The following SMARCA4 variants were observed in gnomAD, a reference collection of about 807,000 sequenced individuals.
SMARCA4 encodes SWI/SNF-related matrix-associated actin-dependent regulator of chromatin subfamily A member 4.
SMARCA4 carries 31 observed loss-of-function variants against 193.9 expected under a neutral mutation model. That is an observed-to-expected ratio of 0.16 (90% CI 0.12 to 0.22). SMARCA4 has a LOEUF of 0.22. SMARCA4 is among the 10% of genes least tolerant of loss of function. The probability of loss-of-function intolerance (pLI) is 1.00; values close to 1 mark genes in which losing one functional copy is unlikely to be tolerated. For missense variants in SMARCA4, 1,148 were observed against 2,296.0 expected, an observed-to-expected ratio of 0.50 and a Z score of 10.22; for synonymous variants, 942 against 933.1, an observed-to-expected ratio of 1.01 and a Z score of -0.17.
In SMARCA4 at chr19:11,034,026, C is replaced by T. The variant is rs45463397; in HGVS notation, c.3874-97C>T. 8.5e-3 allele frequency: 7,839 copies of T among 921,502 alleles called. 62 individuals carry two copies. The highest frequency in any genetic ancestry group is 0.01 in the Non-Finnish European group (5,598 of 553,122). 57.1% of individuals were successfully genotyped at this position (921,502 alleles called of 1,614,324 possible). ...ATCCACCGCAGCCGTGCCGGGACCA[C>T]CAGCTCATTCCCACGGACGCCGCCG... On this transcript the variant is annotated intron_variant, in intron 27 of 34. Transcript: ENST00000344626. The surrounding 1 kb of genome is among the most constrained non-coding windows in gnomAD (Gnocchi z 7.0).
chr19:11,041,366 A>G lies in SMARCA4; in HGVS notation c.4230A>G (p.Ser1410=), dbSNP rs2146815245. ...AGGAGGTCCGGCAGAAGAAATCATC[A>G]CGGAAGCGCAAGCGAGACAGCGACG... ...IEEEVRQKKS[S]RKRKRDSDAG... is the part of the protein sequence containing the mutation. The change falls in exon 30 of 35, where the codon TCA becomes TCG. Residue 1410 remains serine (S), a synonymous_variant. Transcript: ENST00000344626. This position sits in a 1 kb window ranked among gnomAD's most constrained non-coding sequence, Gnocchi z 5.6. 6.2e-7 allele frequency: 1 copy of G among 1,612,692 alleles called. No individual in the cohort carries two copies. Among genetic ancestry groups the G allele is most frequent in the South Asian group, 1.1e-5 (1 of 91,080 alleles).
chr19:11,036,419 C>G (rs1568517296), intron 29 of SMARCA4, among the ~76,000 whole-genome samples: 1 of 152,142 alleles, frequency 6.6e-6, no homozygotes, highest in Non-Finnish European at 1.5e-5. Context: ...ACCAACACGC[C>G]TGGCTAATTT....
At chr19:11,060,938 C>T (rs898304349) in intron 34 of SMARCA4, among the ~76,000 whole-genome samples, 4 of 152,252 alleles carry the variant, frequency 2.6e-5, no homozygotes, top group Middle Eastern at 6.8e-3. Flanking sequence ...GGGGAGGCCC[C>T]TGTGTCAGGC....
intron 30 of SMARCA4, among the ~76,000 whole-genome samples, chr19:11,048,387 A>G (rs917810500): frequency 1.3e-5 from 2 of 152,190 alleles, no homozygotes; most frequent in Non-Finnish European, 2.9e-5. Context: ...GCACACCACC[A>G]TCATGCCTGG....
intron 1 of SMARCA4, among the ~76,000 whole-genome samples, chr19:10,972,689 G>A (rs907994521): frequency 1.3e-5 from 2 of 152,184 alleles, no homozygotes; most frequent in South Asian, 2.1e-4. Flanking sequence ...TGCCTCTGTT[G>A]TGGGGACTCC....
At chr19:11,035,669 T>A (rs1176688418) in intron 29 of SMARCA4, among the ~76,000 whole-genome samples, 1 of 152,228 alleles carries the variant, frequency 6.6e-6, no homozygotes, top group Non-Finnish European at 1.5e-5. Flanking sequence ...CAGTTGCTTG[T>A]GGAGCTGACG....
rs952298808 is a variant in SMARCA4 at position 11,034,799 on chromosome 19, C to G, written c.3952-115C>G. The G allele has an allele frequency of 2.5e-5, 19 of 745,890 alleles. No homozygotes were observed. In the East Asian group the frequency reaches 5.1e-4, roughly 20 times the overall value. The allele number at this position is 745,890 out of a possible 1,614,324, so 46.2% of individuals were successfully genotyped here. A position where few individuals can be genotyped will look rare whatever the true frequency, so the allele number is the denominator to read the frequency against. On this transcript the variant is annotated intron_variant, in intron 28 of 34. Transcript: ENST00000344626. The surrounding 1 kb of genome is among the most constrained non-coding windows in gnomAD (Gnocchi z 7.0). The stretch of plus-strand genomic sequence containing the variant: ...GAGAGCTACTGTTTAACTCTCGCAG[C>G]AGCGTGGAGCCCCACGGGCAGAGAA...
rs190104006 is a variant in SMARCA4 at position 11,033,279 on chromosome 19, T to C, written c.3547-11T>C. ...GGCTCCTTTGGGACTGACTGGCACC[T>C]CTTCCCCCAGGACCTGCAAGCGCAG... On this transcript the variant is annotated splice_polypyrimidine_tract_variant and intron_variant, in intron 25 of 34. Coordinates refer to ENST00000344626, the MANE Select transcript of SMARCA4 (RefSeq NM_003072.5). This position sits in a 1 kb window ranked among gnomAD's most constrained non-coding sequence, Gnocchi z 9.8. 4.1e-3 allele frequency: 6,620 copies of C among 1,609,786 alleles called. 50 individuals carry two copies. The highest frequency in any genetic ancestry group is 0.03 in the Admixed American group (1,809 of 60,016).
Position 10,994,885 on chromosome 19 carries a change from G to A in SMARCA4, c.1477G>A (p.Val493Ile), listed in dbSNP as rs372078902. Residue 493 changes from valine (V) to isoleucine (I), a missense_variant, in exon 9 of 35, where the codon GTC becomes ATC. Coordinates refer to ENST00000344626, the MANE Select transcript of SMARCA4 (RefSeq NM_003072.5). ...AKDFKEYHRSVTGKIQKLTKA... is the reference protein window; with the variant it reads ...AKDFKEYHRSITGKIQKLTKA... The stretch of plus-strand genomic sequence containing the variant: ...GGATTTCAAGGAATATCACAGATCC[G>A]TCACAGGCAAAATCCAGAAGCTGAC... 3.7e-6 allele frequency: 6 copies of A among 1,613,946 alleles called. No individual in the cohort carries two copies. The highest frequency in any genetic ancestry group is 1.3e-5 in the African/African-American group (1 of 74,918).
At chr19:10,964,073 A>G (rs2084024189) in intron 1 of SMARCA4, among the ~76,000 whole-genome samples, 1 of 152,174 alleles carries the variant, frequency 6.6e-6, no homozygotes, top group Admixed American at 6.6e-5. Flanking sequence ...AGGGGAGGTG[A>G]TGTCATCAGA....
intron 32 of SMARCA4, 147 bp from the exon 33 acceptor site, chr19:11,059,606 C>A: frequency 1.2e-6 from 1 of 855,282 alleles, no homozygotes; most frequent in Non-Finnish European, 1.9e-6. Context: ...CCTGGGTGGG[C>A]TGAAGCCCCG....
chr19:11,061,936 A>G lies in SMARCA4; in HGVS notation c.*120A>G, dbSNP rs1234852462. The G allele has an allele frequency of 1.8e-5, 17 of 957,650 alleles. No individual in the cohort carries two copies. The highest frequency in any genetic ancestry group is 2.5e-5 in the Non-Finnish European group (15 of 592,260). The allele number at this position is 957,650 out of a possible 1,614,324, so 59.3% of individuals were successfully genotyped here. A position where few individuals can be genotyped will look rare whatever the true frequency, so the allele number is the denominator to read the frequency against. On this transcript the variant is annotated 3_prime_UTR_variant, in exon 35 of 35. Coordinates refer to ENST00000344626, the MANE Select transcript of SMARCA4 (RefSeq NM_003072.5). The stretch of plus-strand genomic sequence containing the variant: ...GACTTGGAGTAAAACTGTATAAACA[A>G]AAGAATCTTCCATATTTATACAGCA...
chr19:11,009,470 T>A (rs1018540026), intron 14 of SMARCA4, among the ~76,000 whole-genome samples: 13 of 152,212 alleles, frequency 8.5e-5, no homozygotes, highest in Admixed American at 7.9e-4. Flanking sequence ...TCTATGATGA[T>A]CAGCATCTGG....
At chr19:11,014,237 A>G (rs533932302) in intron 16 of SMARCA4, among the ~76,000 whole-genome samples, 3 of 152,184 alleles carry the variant, frequency 2.0e-5, no homozygotes, top group South Asian at 4.2e-4. Context: ...CTCCAACCCC[A>G]TGGGAAAATG....
chr19:11,053,940 C>T (rs761564440), intron 30 of SMARCA4, among the ~76,000 whole-genome samples: 1 of 152,128 alleles, frequency 6.6e-6, no homozygotes, highest in Non-Finnish European at 1.5e-5. Flanking sequence ...CAGACAATTC[C>T]TAGACTGCAG....
At chr19:11,007,429 C>CAAAAAA (rs1188457080) in intron 13 of SMARCA4, among the ~76,000 whole-genome samples, 2 of 56,140 alleles carry the variant, frequency 3.6e-5, no homozygotes, top group African/African-American at 1.2e-4. Context: ...CACTTCGTCT[C>CAAAAAA]AAAAAAAAAA....
rs2086170875 is a variant in SMARCA4, at chr19:10,987,625, C to T, written c.860-41C>T. The T allele has an allele frequency of 6.2e-7, 1 of 1,612,070 alleles. No homozygotes were observed. Among genetic ancestry groups the T allele is most frequent in the Non-Finnish European group, 8.5e-7 (1 of 1,179,122 alleles). On this transcript the variant is annotated intron_variant, in intron 5 of 34. Transcript: ENST00000344626. The surrounding 1 kb of genome is among the most constrained non-coding windows in gnomAD (Gnocchi z 5.3). Reference sequence around the variant, plus strand: ...TCCATTTCCAGCCCGGGATGGGCCCCAGAGCTCAACATGACGCCCTGGCCC... The same window carrying T: ...TCCATTTCCAGCCCGGGATGGGCCCTAGAGCTCAACATGACGCCCTGGCCC...
intron 9 of SMARCA4, chr19:10,995,310 C>T (rs1037482129): frequency 9.0e-6 from 5 of 556,190 alleles, no homozygotes; most frequent in South Asian, 4.6e-5. Context: ...AGACCCCCGA[C>T]CCCTAGCATA....
At chr19:11,012,588 G>T in intron 15 of SMARCA4, 1 of 338,362 alleles carries the variant, frequency 3.0e-6, no homozygotes, top group South Asian at 2.8e-5. Context: ...AGCCCTCTTG[G>T]TTTCCTGAGT....
Sources: gnomAD v4.1 joint callset for allele counts (sites outside exome capture counted in the v4.1 genomes callset) on GRCh38, gnomAD v4.1.1 for gene constraint, Gnocchi (gnomAD v3.1) non-coding constraint, MANE v1.5 for transcripts, NCBI Gene and HGNC (gene_info 2026-07-23, HGNC 2026-07-21) for gene names.